Variants in SYT1 observed in about 807,000 individuals in gnomAD.
The protein encoded by SYT1 is synaptotagmin-1.
In SYT1, 8 loss-of-function variants were observed where a neutral mutation model predicts 44.8. The ratio of observed to expected loss-of-function variants is 0.18; its 90% CI spans 0.10 to 0.32. SYT1 has a LOEUF of 0.32. Among genes scored for constraint, SYT1 ranks in the 10% least tolerant of loss-of-function variants. The probability of loss-of-function intolerance (pLI) is 1.00; values close to 1 mark genes in which losing one functional copy is unlikely to be tolerated. For synonymous variants in SYT1, 154 were observed against 188.8 expected (o/e 0.82, Z 1.51); for missense variants, 286 against 509.3 (o/e 0.56, Z 4.22).
chr12:78,936,016 T>C (rs927484288), intron 1 of SYT1, among the ~76,000 whole-genome samples: 4 of 152,128 alleles, frequency 2.6e-5, no homozygotes, highest in Admixed American at 1.3e-4. Context: ...ACAGTAATCT[T>C]ATAGCCAAGG....
chr12:79,324,953 A>C (rs1881544242), intron 8 of SYT1, among the ~76,000 whole-genome samples: 1 of 152,186 alleles, frequency 6.6e-6, no homozygotes, highest in Admixed American at 6.5e-5. Context: ...TGAAGCATGG[A>C]TTTTTAAAGC....
intron 9 of SYT1, among the ~76,000 whole-genome samples, chr12:79,383,473 A>T (rs868729143): frequency 6.6e-6 from 1 of 152,164 alleles, no homozygotes; most frequent in Middle Eastern, 3.2e-3. Flanking sequence ...TGGCAAAATA[A>T]GTTTATATAG....
chr12:79,244,796 G>A (rs1051914611), intron 4 of SYT1, among the ~76,000 whole-genome samples: 4 of 151,162 alleles, frequency 2.6e-5, no homozygotes, highest in Admixed American at 6.6e-5. Flanking sequence ...TTTAGTACAT[G>A]TTGAGCTAGT....
intron 3 of SYT1, among the ~76,000 whole-genome samples, chr12:79,124,227 C>T (rs1312205060): frequency 2.0e-5 from 3 of 152,142 alleles, no homozygotes; most frequent in African/African-American, 7.2e-5. Context: ...AATTATGTGG[C>T]CTGCCATGGG....
At chr12:79,275,993 T>C (rs1446216976) in intron 4 of SYT1, among the ~76,000 whole-genome samples, 1 of 152,126 alleles carries the variant, frequency 6.6e-6, no homozygotes, top group Non-Finnish European at 1.5e-5. Context: ...GTCTTTGACA[T>C]GGAAAGCACC....
intron 4 of SYT1, among the ~76,000 whole-genome samples, chr12:79,251,242 A>G (rs1877194286): frequency 6.6e-6 from 1 of 152,084 alleles, no homozygotes; most frequent in Admixed American, 6.5e-5. Flanking sequence ...AGAATCACTA[A>G]TACTCTAATT....
intron 4 of SYT1, among the ~76,000 whole-genome samples, chr12:79,255,079 T>G (rs1877439991): frequency 6.6e-6 from 1 of 152,184 alleles, no homozygotes; most frequent in African/African-American, 2.4e-5. Flanking sequence ...TCAAAAGAAG[T>G]TTGGCTGTGG....
intron 1 of SYT1, among the ~76,000 whole-genome samples, chr12:78,919,378 G>A (rs1381900206): frequency 6.6e-6 from 1 of 152,012 alleles, no homozygotes; most frequent in Non-Finnish European, 1.5e-5. Context: ...TGAGACCAGG[G>A]AGCTGAACAC....
chr12:79,446,010 T>A (rs182197580), intron 10 of SYT1, among the ~76,000 whole-genome samples: 1 of 100,778 alleles, frequency 9.9e-6, no homozygotes, highest in Admixed American at 1.0e-4. Flanking sequence ...TATATATATA[T>A]ATATATATAT....
At chr12:78,973,988 T>C (rs1868627219) in intron 1 of SYT1, among the ~76,000 whole-genome samples, 1 of 96,706 alleles carries the variant, frequency 1.0e-5, no homozygotes, top group Non-Finnish European at 2.0e-5. Flanking sequence ...TATATATATA[T>C]GCAGTCATGT....
At chr12:79,366,811 A>G (rs1883561384) in intron 9 of SYT1, among the ~76,000 whole-genome samples, 1 of 152,086 alleles carries the variant, frequency 6.6e-6, no homozygotes, top group Non-Finnish European at 1.5e-5. Context: ...AGCAAAAGAC[A>G]GTTCTTGGTT....
intron 1 of SYT1, among the ~76,000 whole-genome samples, chr12:78,904,964 C>T (rs1038421719): frequency 4.6e-5 from 7 of 152,212 alleles, no homozygotes; most frequent in Admixed American, 4.6e-4. Context: ...TCTCAATTAT[C>T]ATTGTATTTA....
intron 3 of SYT1, among the ~76,000 whole-genome samples, chr12:79,120,209 G>A (rs1409744687): frequency 1.3e-5 from 2 of 151,980 alleles, no homozygotes; most frequent in Non-Finnish European, 1.5e-5. Flanking sequence ...AATTCAAGAG[G>A]ACAGAGCAAT....
At position 79,191,832 on chromosome 12, in the gene SYT1, T is replaced by C. The variant is rs376362567; in HGVS notation, c.-17-25671T>C. Reference sequence around the variant, plus strand: ...TAGTATGGAATATGGGACATATACCTGAATAACCACAACTTAAGACACAAA... The same window carrying C: ...TAGTATGGAATATGGGACATATACCCGAATAACCACAACTTAAGACACAAA... On this transcript the variant is annotated intron_variant, in intron 3 of 10. Coordinates refer to ENST00000261205, the MANE Select transcript of SYT1 (RefSeq NM_005639.3). 1.1e-4 allele frequency among the ~76,000 whole-genome samples: 17 copies of C among 152,178 alleles called. 1 individual carries two copies. Among genetic ancestry groups the C allele is most frequent in the African/African-American group, 4.1e-4 (17 of 41,538 alleles).
chr12:78,866,202 T>C (rs1426492283), intron 1 of SYT1, among the ~76,000 whole-genome samples: 1 of 152,236 alleles, frequency 6.6e-6, no homozygotes, highest in Non-Finnish European at 1.5e-5. Context: ...ATTCTACCTT[T>C]GTACTATTTG....
intron 3 of SYT1, among the ~76,000 whole-genome samples, chr12:79,132,700 A>C (rs981222575): frequency 4.2e-5 from 6 of 143,646 alleles, no homozygotes; most frequent in African/African-American, 1.3e-4. Flanking sequence ...AAAAAAAAAA[A>C]ACCCTGAAAA....
intron 2 of SYT1, among the ~76,000 whole-genome samples, chr12:79,038,117 G>A (rs915961642): frequency 3.3e-5 from 5 of 150,474 alleles, no homozygotes; most frequent in African/African-American, 9.8e-5. Flanking sequence ...TTTACCTTTT[G>A]TCATATGTCA....
At chr12:79,185,297 T>C (rs1872740820) in intron 3 of SYT1, among the ~76,000 whole-genome samples, 1 of 152,100 alleles carries the variant, frequency 6.6e-6, no homozygotes, top group Non-Finnish European at 1.5e-5. Flanking sequence ...CACCTATCCA[T>C]TTGCATTTCT....
chr12:78,968,574 C>A (rs1421105494), intron 1 of SYT1, among the ~76,000 whole-genome samples: 1 of 152,136 alleles, frequency 6.6e-6, no homozygotes, highest in Non-Finnish European at 1.5e-5. Context: ...TAACTCATAT[C>A]TCTTAATTTA....
Sources: gnomAD v4.1 joint callset for allele counts (sites outside exome capture counted in the v4.1 genomes callset) on GRCh38, gnomAD v4.1.1 for gene constraint, MANE v1.5 for transcripts, NCBI Gene and HGNC (gene_info 2026-07-23, HGNC 2026-07-21) for gene names.